The following CLCN5 variants were observed in gnomAD, a reference collection of about 807,000 sequenced individuals.
CLCN5 encodes H(+)/Cl(-) exchange transporter 5.
Under a neutral mutation model 54.0 loss-of-function variants are expected in CLCN5, and 17 were observed. That is an observed-to-expected ratio of 0.31 (90% confidence interval 0.22 to 0.47). CLCN5 has a LOEUF of 0.47. CLCN5 is among the 20% of genes least tolerant of loss of function. The pLI, the probability that CLCN5 is intolerant of heterozygous loss-of-function variation, is 1.00. For synonymous variants in CLCN5, 222 were observed against 233.0 expected, an observed-to-expected ratio of 0.95 and a Z score of 0.43; for missense variants, 448 against 646.7, an observed-to-expected ratio of 0.69 and a Z score of 3.33.
chrX:49,985,728 T>G (rs1928963575), intron 3 of CLCN5, among the ~76,000 whole-genome samples: 1 of 111,804 alleles, frequency 8.9e-6, no homozygotes, highest in African/African-American at 3.2e-5. Flanking sequence ...GTGACTAATA[T>G]CTTGCTCTTT....
Position 50,086,229 on chromosome X carries a change from T to G in CLCN5, c.1015-99T>G, listed in dbSNP as rs1313277081. On this transcript the variant is annotated intron_variant, in intron 10 of 14. Coordinates refer to ENST00000376091, the MANE Select transcript of CLCN5 (RefSeq NM_001127898.4). ...GTGACTAGAAATCCAGTCGGCAGTT[T>G]TCATCCATTAGTTGACTCTCATGCC... 3.0e-6 allele frequency: 3 copies of G among 989,136 alleles called. No homozygotes were observed. In the African/African-American group the frequency reaches 5.7e-5, roughly 19 times the overall value. 81.5% of individuals were successfully genotyped at this position (989,136 alleles called of 1,213,427 possible).
chrX:50,078,884 G>A (rs1263089744), intron 7 of CLCN5, among the ~76,000 whole-genome samples: 1 of 111,952 alleles, frequency 8.9e-6, no homozygotes, highest in Non-Finnish European at 1.9e-5. Flanking sequence ...GTGCAGTGGT[G>A]CGATCTCGGC....
intron 9 of CLCN5, among the ~76,000 whole-genome samples, chrX:50,085,187 A>T (rs1333729775): frequency 8.9e-6 from 1 of 112,129 alleles, no homozygotes; most frequent in Admixed American, 9.4e-5. Flanking sequence ...ATCTCTCTCC[A>T]TAGCAACCAG....
At chrX:50,026,946 G>A (rs1245962756) in intron 3 of CLCN5, among the ~76,000 whole-genome samples, 10 of 109,819 alleles carry the variant, frequency 9.1e-5, no homozygotes, top group African/African-American at 3.0e-4. Context: ...TTTGGTATCT[G>A]TCATTAATTT....
intron 3 of CLCN5, among the ~76,000 whole-genome samples, chrX:49,986,857 G>A (rs1333142376): frequency 9.0e-6 from 1 of 111,628 alleles, no homozygotes; most frequent in African/African-American, 3.3e-5. Flanking sequence ...TCTTGATCAT[G>A]GGACAATCAT....
At chrX:50,009,965 C>T (rs782480438) in intron 3 of CLCN5, among the ~76,000 whole-genome samples, 12 of 111,262 alleles carry the variant, frequency 1.1e-4, no homozygotes, top group African/African-American at 2.9e-4. Context: ...AGGCAGACTT[C>T]GCCCCTGCCT....
chrX:50,042,200 G>C (rs1932245075), intron 3 of CLCN5, 116 bp from the exon 4 acceptor site: 1 of 332,793 alleles, frequency 3.0e-6, no homozygotes, highest in African/African-American at 2.7e-5. Flanking sequence ...GTTGCACATA[G>C]TAAGTGTACT....
chrX:49,961,070 T>G (rs1273655104), intron 3 of CLCN5, among the ~76,000 whole-genome samples: 1 of 111,799 alleles, frequency 8.9e-6, no homozygotes, highest in Non-Finnish European at 1.9e-5. Context: ...GACGTGTGTG[T>G]CCACGCACAC....
chrX:50,067,275 A>T (rs1297153328), intron 4 of CLCN5, among the ~76,000 whole-genome samples: 1 of 111,323 alleles, frequency 9.0e-6, no homozygotes, highest in Non-Finnish European at 1.9e-5. Flanking sequence ...TATCTAGTGT[A>T]TTTTTTAAAA....
At chrX:49,976,709 T>G (rs1423271422) in intron 3 of CLCN5, among the ~76,000 whole-genome samples, 1 of 112,460 alleles carries the variant, frequency 8.9e-6, no homozygotes, top group Non-Finnish European at 1.9e-5. Flanking sequence ...CCAGGCTTTG[T>G]CTATGTACAT....
chrX:49,947,876 A>AACC (rs1557172442), intron 3 of CLCN5, among the ~76,000 whole-genome samples: 1 of 110,727 alleles, frequency 9.0e-6, no homozygotes, highest in East Asian at 2.8e-4. Context: ...TATGATTTTT[A>AACC]AGAAGCCTCT....
intron 3 of CLCN5, among the ~76,000 whole-genome samples, chrX:49,951,877 A>G: frequency 8.9e-6 from 1 of 111,910 alleles, no homozygotes; most frequent in Non-Finnish European, 1.9e-5. Flanking sequence ...ATTTATGTTG[A>G]TATGCCTTCC....
At position 50,096,574 on chromosome X, in the gene CLCN5, C is replaced by T. The variant is rs1475978950; in HGVS notation, c.*4355C>T. On this transcript the variant is annotated 3_prime_UTR_variant, in exon 15 of 15. Coordinates refer to ENST00000376091, the MANE Select transcript of CLCN5 (RefSeq NM_001127898.4). ...CCTCGTGATCCACCCATCTCGGCCT[C>T]CCAAAGTGCTGGGATTATAGGTGTG... 8.9e-6 allele frequency: 1 copy of T among 112,575 alleles called. No homozygotes were observed. The highest frequency in any genetic ancestry group is 1.9e-5 in the Non-Finnish European group (1 of 53,152). The allele number at this position is 112,575 out of a possible 1,213,427, so 9.3% of individuals were successfully genotyped here.
chrX:50,078,490 C>T (rs1557192521), intron 7 of CLCN5, among the ~76,000 whole-genome samples: 1 of 112,480 alleles, frequency 8.9e-6, no homozygotes, highest in Non-Finnish European at 1.9e-5. Flanking sequence ...GACATAGGTA[C>T]AATCCACAGA....
chrX:49,989,727 T>C (rs1602017847), intron 3 of CLCN5, among the ~76,000 whole-genome samples: 1 of 111,912 alleles, frequency 8.9e-6, no homozygotes, highest in East Asian at 2.8e-4. Context: ...GACCAGTTAT[T>C]GCCGGATCTG....
At chrX:50,051,397 A>G (rs1473156610) in intron 4 of CLCN5, among the ~76,000 whole-genome samples, 1 of 112,112 alleles carries the variant, frequency 8.9e-6, no homozygotes, top group Non-Finnish European at 1.9e-5. Context: ...TTCTTTTGAC[A>G]ATACCATGCT....
At chrX:49,966,761 C>T (rs1312009187) in intron 3 of CLCN5, among the ~76,000 whole-genome samples, 1 of 24,618 alleles carries the variant, frequency 4.1e-5, no homozygotes, top group Non-Finnish European at 5.7e-5. Flanking sequence ...TGCTATCCCT[C>T]CCCCCTCCCC....
chrX:50,033,706 G>A (rs1557186201), intron 3 of CLCN5, among the ~76,000 whole-genome samples: 3 of 111,525 alleles, frequency 2.7e-5, no homozygotes, highest in East Asian at 2.8e-4. Flanking sequence ...AACCCACATC[G>A]CCAAGTCAAT....
At chrX:50,081,550 G>T (rs1308801103) in intron 8 of CLCN5, 91 bp from the exon 9 acceptor site, 3 of 663,002 alleles carry the variant, frequency 4.5e-6, no homozygotes, top group Non-Finnish European at 7.4e-6. Flanking sequence ...TATTCAAAAG[G>T]TGCAGTTTCT....
Sources: allele counts gnomAD v4.1 joint callset (sites outside exome capture counted in the v4.1 genomes callset), GRCh38; gene constraint gnomAD v4.1.1; transcripts MANE v1.5; gene names NCBI Gene and HGNC (gene_info 2026-07-23, HGNC 2026-07-21).